The following PLPPR1 variants were observed in gnomAD, a reference collection of about 807,000 sequenced individuals.
PLPPR1 encodes the protein phospholipid phosphatase related 1.
Under a neutral mutation model 33.1 loss-of-function variants are expected in PLPPR1, and 10 were observed. That is an observed-to-expected ratio of 0.30 (90% CI 0.19 to 0.51). The LOEUF is 0.51. PLPPR1 is among the 20% of genes least tolerant of loss of function. The probability of loss-of-function intolerance (pLI) is 0.97; values close to 1 mark genes in which losing one functional copy is unlikely to be tolerated. For synonymous variants in PLPPR1, 151 were observed against 151.0 expected (o/e 1.00, Z 0.00); for missense variants, 304 against 408.1 (o/e 0.74, Z 2.20).
intron 2 of PLPPR1, among the ~76,000 whole-genome samples, chr9:101,219,493 C>T (rs1352340655): frequency 6.6e-6 from 1 of 152,116 alleles, no homozygotes; most frequent in Admixed American, 6.5e-5. Flanking sequence ...TCTATTTCCT[C>T]GCCATGCCAG....
At chr9:101,132,926 C>T (rs763327321) in intron 1 of PLPPR1, among the ~76,000 whole-genome samples, 4 of 152,096 alleles carry the variant, frequency 2.6e-5, no homozygotes, top group Non-Finnish European at 5.9e-5. Flanking sequence ...TTGTCTCTGT[C>T]TTGAATAATT....
At chr9:101,088,712 AC>A (rs1244012108) in intron 1 of PLPPR1, among the ~76,000 whole-genome samples, 1 of 152,126 alleles carries the variant, frequency 6.6e-6, no homozygotes, top group Non-Finnish European at 1.5e-5. Flanking sequence ...TATTGCTCTC[AC>A]CCTGTAAAAT....
At chr9:101,080,118 T>C (rs1361580016) in intron 1 of PLPPR1, among the ~76,000 whole-genome samples, 3 of 152,174 alleles carry the variant, frequency 2.0e-5, no homozygotes, top group African/African-American at 7.2e-5. Context: ...TCCTCTCTTC[T>C]GTTTTCTCTG....
intron 7 of PLPPR1, among the ~76,000 whole-genome samples, chr9:101,323,316 G>A (rs551074222): frequency 4.4e-4 from 67 of 151,766 alleles, no homozygotes; most frequent in Admixed American, 1.2e-3. Context: ...GCAACATAGT[G>A]AGACACTGTC....
intron 1 of PLPPR1, among the ~76,000 whole-genome samples, chr9:101,108,326 G>C (rs888205916): frequency 6.6e-6 from 1 of 152,184 alleles, no homozygotes; most frequent in East Asian, 1.9e-4. Flanking sequence ...CAGATAGTAA[G>C]CATCTTGCAA....
chr9:101,270,522 A>G (rs1346211079), intron 3 of PLPPR1, among the ~76,000 whole-genome samples: 1 of 152,230 alleles, frequency 6.6e-6, no homozygotes, highest in Non-Finnish European at 1.5e-5. Context: ...CGTAGACACC[A>G]GAGATGAGAG....
chr9:101,262,986 G>A (rs138764786), intron 2 of PLPPR1, among the ~76,000 whole-genome samples: 3 of 152,038 alleles, frequency 2.0e-5, no homozygotes, highest in Non-Finnish European at 2.9e-5. Context: ...GTGGAACATC[G>A]CACACCAGGG....
intron 1 of PLPPR1, among the ~76,000 whole-genome samples, chr9:101,162,451 C>T (rs1399683962): frequency 2.6e-5 from 4 of 152,172 alleles, no homozygotes; most frequent in African/African-American, 7.2e-5. Flanking sequence ...ACAAAAGTGA[C>T]CAACTTCCAA....
chr9:101,156,493 G>A lies in PLPPR1; in HGVS notation c.-45-28957G>A, dbSNP rs141611195. Among the ~76,000 whole-genome samples the A allele has an allele frequency of 2.0e-3, 292 of 143,402 alleles. 6 individuals are homozygous for A. The East Asian group carries it at 0.052, about 25-fold the overall frequency. The allele number at this position is 143,402 out of a possible 152,430, so 94.1% of individuals were successfully genotyped here. On this transcript the variant is annotated intron_variant, in intron 1 of 7. Coordinates refer to ENST00000374874, the MANE Select transcript of PLPPR1 (RefSeq NM_207299.2). ...TTGAGTCTGGGAGGCAGAAGTTGCA[G>A]TGAGCCAAGTTTGCACCATTGCACT...
intron 2 of PLPPR1, among the ~76,000 whole-genome samples, chr9:101,201,364 T>C (rs1253700988): frequency 6.6e-6 from 1 of 152,206 alleles, no homozygotes; most frequent in Non-Finnish European, 1.5e-5. Flanking sequence ...AAGTTCCTCT[T>C]AGCTGATATT....
chr9:101,136,831 G>T (rs956987346), intron 1 of PLPPR1, among the ~76,000 whole-genome samples: 10 of 152,052 alleles, frequency 6.6e-5, no homozygotes, highest in African/African-American at 2.4e-4. Flanking sequence ...AGTGGACAGG[G>T]GTGAGAGATG....
chr9:101,231,168 C>G (rs1462066949), intron 2 of PLPPR1, among the ~76,000 whole-genome samples: 1 of 151,874 alleles, frequency 6.6e-6, no homozygotes, highest in Non-Finnish European at 1.5e-5. Flanking sequence ...AGTTTTTCTT[C>G]AGGAAAACTT....
At chr9:101,151,837 G>A (rs1831590862) in intron 1 of PLPPR1, among the ~76,000 whole-genome samples, 1 of 152,132 alleles carries the variant, frequency 6.6e-6, no homozygotes, top group Non-Finnish European at 1.5e-5. Context: ...CAATCGGTTT[G>A]CCACTCTTTG....
At chr9:101,148,503 C>T (rs1831547426) in intron 1 of PLPPR1, among the ~76,000 whole-genome samples, 2 of 152,162 alleles carry the variant, frequency 1.3e-5, no homozygotes, top group Non-Finnish European at 2.9e-5. Flanking sequence ...AATTAATCTC[C>T]AACATTCTCT....
intron 4 of PLPPR1, 35 bp downstream of exon 4, chr9:101,286,271 A>G: frequency 1.3e-6 from 2 of 1,559,724 alleles, no homozygotes; most frequent in Non-Finnish European, 1.7e-6. Flanking sequence ...AAGCTCTCAC[A>G]TAAAAGTAAA....
At chr9:101,224,105 T>C (rs1827010478) in intron 2 of PLPPR1, among the ~76,000 whole-genome samples, 1 of 152,118 alleles carries the variant, frequency 6.6e-6, no homozygotes, top group Non-Finnish European at 1.5e-5. Flanking sequence ...AGGGGAGCTA[T>C]TGTGAGGAAT....
At position 101,324,224 on chromosome 9, in the gene PLPPR1, A is replaced by ATTTT. The variant is rs10560929; in HGVS notation, c.*182_*185dup. 2 of 357,844 alleles carry ATTTT rather than the reference A, an allele frequency of 5.6e-6. No individual in the cohort carries two copies. The highest frequency in any genetic ancestry group is 8.4e-5 in the South Asian group (1 of 11,948). The allele number at this position is 357,844 out of a possible 1,614,324, so 22.2% of individuals were successfully genotyped here. On this transcript the variant is annotated 3_prime_UTR_variant, in exon 8 of 8. Transcript: ENST00000374874. ...TGAGGAAGTGATGTAGCTTGCCCTG[A>ATTTT]TTTTTTTTTTTTTTTTTTGGTCAGC...
chr9:101,225,995 A>T (rs1056819837), intron 2 of PLPPR1, among the ~76,000 whole-genome samples: 2 of 152,012 alleles, frequency 1.3e-5, no homozygotes, highest in Non-Finnish European at 2.9e-5. Flanking sequence ...GTAAGTGAGA[A>T]AACTGAGGTC....
chr9:101,289,907 C>A (rs1828462791), intron 4 of PLPPR1, among the ~76,000 whole-genome samples: 1 of 152,192 alleles, frequency 6.6e-6, no homozygotes, highest in South Asian at 2.1e-4. Flanking sequence ...CTTAAGTATT[C>A]ATTTGCCTTC....
Sources: gnomAD v4.1 joint callset for allele counts (sites outside exome capture counted in the v4.1 genomes callset) on GRCh38, gnomAD v4.1.1 for gene constraint, MANE v1.5 for transcripts, NCBI Gene and HGNC (gene_info 2026-07-23, HGNC 2026-07-21) for gene names.